GABRG1: variants seen among roughly 807,000 people sequenced by gnomAD.
GABRG1 encodes the protein gamma-aminobutyric acid type A receptor subunit gamma1, also known as gamma-aminobutyric acid receptor subunit gamma-1.
In GABRG1, 49 loss-of-function variants were observed where a neutral mutation model predicts 49.8. The ratio of observed to expected loss-of-function variants is 0.98; its 90% confidence interval spans 0.78 to 1.25. The LOEUF is 1.25. GABRG1 is among the 50% of genes most tolerant of loss of function. The pLI, the probability that GABRG1 is intolerant of heterozygous loss-of-function variation, is 0.00. For missense variants in GABRG1, 552 were observed against 552.3 expected (o/e 1.00, Z 0.01); for synonymous variants, 232 against 185.1 (o/e 1.25, Z -2.06).
chr4:46,118,005 T>C (rs1036703548), intron 1 of GABRG1, among the ~76,000 whole-genome samples: 3 of 115,898 alleles, frequency 2.6e-5, no homozygotes, highest in African/African-American at 8.2e-5. Flanking sequence ...CATATATACA[T>C]ATGTATACAT....
chr4:46,047,748 A>C (rs1039216908), intron 8 of GABRG1, among the ~76,000 whole-genome samples: 1 of 152,064 alleles, frequency 6.6e-6, no homozygotes. Context: ...GAAATTATTC[A>C]TCTAATTGTT....
intron 2 of GABRG1, among the ~76,000 whole-genome samples, chr4:46,094,771 T>G (rs1378412101): frequency 6.6e-6 from 1 of 151,956 alleles, no homozygotes; most frequent in East Asian, 1.9e-4. Flanking sequence ...AAATCCAAAG[T>G]ATCTGAACTT....
intron 1 of GABRG1, among the ~76,000 whole-genome samples, chr4:46,116,350 A>G (rs1490104514): frequency 6.6e-6 from 1 of 150,794 alleles, no homozygotes; most frequent in Non-Finnish European, 1.5e-5. Flanking sequence ...TTTTAAGTTC[A>G]TTTTCATAGT....
chr4:46,072,781 G>T (rs1327335800), intron 3 of GABRG1, among the ~76,000 whole-genome samples: 1 of 151,738 alleles, frequency 6.6e-6, no homozygotes, highest in Non-Finnish European at 1.5e-5. Flanking sequence ...CCATTGTGAT[G>T]CTAGCTTCGC....
chr4:46,084,342 A>C (rs1209280635), intron 2 of GABRG1, among the ~76,000 whole-genome samples: 1 of 151,668 alleles, frequency 6.6e-6, no homozygotes, highest in East Asian at 1.9e-4. Context: ...ATACATGCTC[A>C]GTTATCCTTT....
intron 2 of GABRG1, among the ~76,000 whole-genome samples, chr4:46,086,395 A>G (rs1577656118): frequency 6.6e-6 from 1 of 151,652 alleles, no homozygotes; most frequent in East Asian, 1.9e-4. Flanking sequence ...TATAAACTAC[A>G]ATAGATTTTA....
intron 5 of GABRG1, among the ~76,000 whole-genome samples, chr4:46,063,693 A>T (rs1718799439): frequency 6.6e-6 from 1 of 152,116 alleles, no homozygotes; most frequent in African/African-American, 2.4e-5. Context: ...ATCTAATTAA[A>T]CTAAAGAGCT....
At position 46,036,258 on chromosome 4, in the gene GABRG1, G is replaced by T. The variant is rs572491394; in HGVS notation, c.*4730C>A. The T allele has an allele frequency of 4.6e-5, 7 of 151,392 alleles. No individual in the cohort carries two copies. The highest frequency in any genetic ancestry group is 1.2e-4 in the African/African-American group (5 of 41,284). 9.4% of individuals were successfully genotyped at this position (151,392 alleles called of 1,614,324 possible). A position where few individuals can be genotyped will look rare whatever the true frequency, so the allele number is the denominator to read the frequency against. Reference sequence around the variant, plus strand: ...TACACACAGTAGACTATTTCTACCTGCAATTCTCTTATTCTCTTTGTCCAA... The same window carrying T: ...TACACACAGTAGACTATTTCTACCTTCAATTCTCTTATTCTCTTTGTCCAA... On this transcript the variant is annotated 3_prime_UTR_variant, in exon 9 of 9. Coordinates refer to ENST00000295452, the MANE Select transcript of GABRG1 (RefSeq NM_173536.4).
At chr4:46,082,466 A>G (rs1178804034) in intron 3 of GABRG1, among the ~76,000 whole-genome samples, 4 of 151,906 alleles carry the variant, frequency 2.6e-5, no homozygotes, top group East Asian at 3.9e-4. Context: ...GCACATGACT[A>G]CATCACTATC....
chr4:46,058,974 T>C (rs927964057), intron 5 of GABRG1, among the ~76,000 whole-genome samples: 1 of 152,170 alleles, frequency 6.6e-6, no homozygotes, highest in African/African-American at 2.4e-5. Context: ...CATATGCATT[T>C]CTGAAAAGTA....
chr4:46,096,809 T>C (rs568141432), intron 2 of GABRG1, among the ~76,000 whole-genome samples: 1 of 151,812 alleles, frequency 6.6e-6, no homozygotes, highest in South Asian at 2.1e-4. Flanking sequence ...ACTCTAGTCT[T>C]ACCCAGTGCA....
chr4:46,117,815 TATCTATATAC>T (rs1400885148), intron 1 of GABRG1, among the ~76,000 whole-genome samples: 6 of 122,036 alleles, frequency 4.9e-5, no homozygotes, highest in Admixed American at 8.2e-5. Context: ...TATACATGTG[TATCTATATAC>T]ATATATACAT....
At chr4:46,059,213 G>A (rs529014386) in intron 5 of GABRG1, among the ~76,000 whole-genome samples, 51 of 152,094 alleles carry the variant, frequency 3.4e-4, no homozygotes, top group African/African-American at 1.2e-3. Context: ...ATTTTCTGTT[G>A]GCTATAACCA....
intron 1 of GABRG1, among the ~76,000 whole-genome samples, chr4:46,112,457 C>A (rs763055317): frequency 4.0e-5 from 6 of 151,308 alleles, no homozygotes; most frequent in Non-Finnish European, 7.4e-5. Context: ...ACAGAACTAT[C>A]ATTCAACCCA....
intron 1 of GABRG1, 83 bp from the exon 2 acceptor site, chr4:46,097,432 G>A: frequency 7.6e-7 from 1 of 1,307,674 alleles, no homozygotes; most frequent in Non-Finnish European, 1.0e-6. Context: ...TGTTACAATT[G>A]AGTAAGAAAG....
Position 46,053,096 on chromosome 4 carries a change from T to C in GABRG1, c.917-1458A>G, listed in dbSNP as rs575268086. On this transcript the variant is annotated intron_variant, in intron 7 of 8. Coordinates refer to ENST00000295452, the MANE Select transcript of GABRG1 (RefSeq NM_173536.4). ...AACACAGTAATATCTTGCTTCGTAA[T>C]TGTAGTAAATATACACAAAATGTAC... Among the ~76,000 whole-genome samples, 2 of 152,076 alleles carry C rather than the reference T, an allele frequency of 1.3e-5. 1 individual carries two copies. Among genetic ancestry groups the C allele is most frequent in the South Asian group, 4.1e-4 (2 of 4,834 alleles).
At chr4:46,102,129 C>T (rs1366893928) in intron 1 of GABRG1, among the ~76,000 whole-genome samples, 1 of 151,536 alleles carries the variant, frequency 6.6e-6, no homozygotes, top group Non-Finnish European at 1.5e-5. Context: ...AAATGAATAA[C>T]TAAATAGAGT....
chr4:46,058,835 AAGAAAT>A (rs1334617094), intron 5 of GABRG1, among the ~76,000 whole-genome samples: 1 of 152,074 alleles, frequency 6.6e-6, no homozygotes, highest in African/African-American at 2.4e-5. Context: ...TAATCTACTT[AAGAAAT>A]AGAAACTTGC....
Position 46,056,150 on chromosome 4 carries a change from T to TAAAAAAAAAAAA in GABRG1, c.916+2066_916+2067insTTTTTTTTTTTT, listed in dbSNP as rs1491407033. ...AAAAAAAAAAAAATAAATAAATAAA[T>TAAAAAAAAAAAA]TAAAAAAAAAAAAAAAAAAAAAAAA... On this transcript the variant is annotated intron_variant, in intron 7 of 8. Transcript: ENST00000295452. Among the ~76,000 whole-genome samples, 20 of 46,062 alleles carry TAAAAAAAAAAAA rather than the reference T, an allele frequency of 4.3e-4. 2 individuals carry two copies. Among genetic ancestry groups the TAAAAAAAAAAAA allele is most frequent in the East Asian group, 9.5e-4 (1 of 1,050 alleles). 30.2% of individuals were successfully genotyped at this position (46,062 alleles called of 152,430 possible). A position where few individuals can be genotyped will look rare whatever the true frequency, so the allele number is the denominator to read the frequency against.
Sources: gnomAD v4.1 joint callset for allele counts (sites outside exome capture counted in the v4.1 genomes callset) on GRCh38, gnomAD v4.1.1 for gene constraint, MANE v1.5 for transcripts, NCBI Gene and HGNC (gene_info 2026-07-23, HGNC 2026-07-21) for gene names.